Variants in SMOC2 observed in about 807,000 individuals in gnomAD.
SMOC2 encodes the protein SPARC-related modular calcium-binding protein 2.
Under a neutral mutation model 61.4 loss-of-function variants are expected in SMOC2, and 39 were observed. That is an observed-to-expected ratio of 0.64 (90% CI 0.49 to 0.83). SMOC2 has a LOEUF of 0.83. SMOC2 is among the 40% of genes least tolerant of loss of function. SMOC2 has a pLI of 0.00. For synonymous variants in SMOC2, 247 were observed against 239.9 expected, an observed-to-expected ratio of 1.03 and a Z score of -0.27; for missense variants, 556 against 592.9, an observed-to-expected ratio of 0.94 and a Z score of 0.65.
chr6:168,563,515 A>G (rs77488861), intron 7 of SMOC2, among the ~76,000 whole-genome samples: 2,113 of 152,144 alleles, frequency 0.014, 45 homozygotes, highest in African/African-American at 0.048. Flanking sequence ...TCTCCCTGCT[A>G]TGGTCTAAAT....
At chr6:168,479,309 G>A (rs1782157215) in intron 1 of SMOC2, among the ~76,000 whole-genome samples, 1 of 152,242 alleles carries the variant, frequency 6.6e-6, no homozygotes, top group Non-Finnish European at 1.5e-5. Flanking sequence ...CTATGTATAG[G>A]AGATCTTTTG....
chr6:168,453,628 CT>C lies in SMOC2; in HGVS notation c.84+12177del. Among the ~76,000 whole-genome samples, 1 of 151,782 alleles carries C rather than the reference CT, an allele frequency of 6.6e-6. No individual in the cohort carries two copies. The highest frequency in any genetic ancestry group is 6.6e-5 in the Admixed American group (1 of 15,222). On this transcript the variant is annotated intron_variant, in intron 1 of 12. Coordinates refer to ENST00000356284, the MANE Select transcript of SMOC2 (RefSeq NM_001166412.2). This position sits in a 1 kb window ranked among gnomAD's most constrained non-coding sequence, Gnocchi z 4.4. The stretch of plus-strand genomic sequence containing the variant: ...TCTCTGTTTCTTCCTGTCTCTGTCT[CT>C]TTGTCTCTCTCTGTCTCTTTCTCTC...
intron 1 of SMOC2, among the ~76,000 whole-genome samples, chr6:168,487,016 G>A (rs1373943463): frequency 6.6e-6 from 1 of 152,156 alleles, no homozygotes; most frequent in Non-Finnish European, 1.5e-5. Context: ...GTCTGGCCAG[G>A]GAACTGCAGA....
At chr6:168,451,955 C>A (rs1229275432) in intron 1 of SMOC2, among the ~76,000 whole-genome samples, 1 of 152,184 alleles carries the variant, frequency 6.6e-6, no homozygotes, top group Non-Finnish European at 1.5e-5. Context: ...AGGGGAAGCC[C>A]CTGTCCTTTT....
chr6:168,655,277 G>A, intron 11 of SMOC2: 2 of 403,518 alleles, frequency 5.0e-6, no homozygotes, highest in South Asian at 1.8e-5. Context: ...TAAACGTTAG[G>A]CCAGTTCACA....
rs574889883 is a variant in SMOC2 at position 168,534,076 on chromosome 6, C to T, written c.463+6349C>T. Among the ~76,000 whole-genome samples the T allele has an allele frequency of 1.9e-3, 295 of 151,986 alleles. 4 individuals carry two copies. In the South Asian group the frequency reaches 0.028, roughly 14 times the overall value. On this transcript the variant is annotated intron_variant, in intron 4 of 12. Coordinates refer to ENST00000356284, the MANE Select transcript of SMOC2 (RefSeq NM_001166412.2). ...GCCTGTGCAACAAAAGTGAGACCCC[C>T]CACCATCTCTACAAAAAATAAAAAT... is the stretch of plus-strand genomic sequence containing the variant.
chr6:168,547,694 G>A (rs1784039064), intron 6 of SMOC2, among the ~76,000 whole-genome samples: 3 of 151,934 alleles, frequency 2.0e-5, no homozygotes, highest in Non-Finnish European at 4.4e-5. Flanking sequence ...AATTTCACTG[G>A]GTAAATGTGT....
At chr6:168,626,085 G>A (rs1786401630) in intron 9 of SMOC2, among the ~76,000 whole-genome samples, 2 of 152,206 alleles carry the variant, frequency 1.3e-5, no homozygotes, top group Admixed American at 1.3e-4. Flanking sequence ...AATTATTCAA[G>A]TAGCCCCCAC....
At chr6:168,591,736 C>T (rs9455671) in intron 7 of SMOC2, among the ~76,000 whole-genome samples, 92,486 of 150,746 alleles carry the variant, frequency 0.61, 28,767 homozygotes, top group Middle Eastern at 0.7. Context: ...CTATTTGCGT[C>T]TTTTTCAGAT....
At chr6:168,613,362 A>T (rs1298107045) in intron 9 of SMOC2, among the ~76,000 whole-genome samples, 1 of 152,160 alleles carries the variant, frequency 6.6e-6, no homozygotes, top group Non-Finnish European at 1.5e-5. Flanking sequence ...GTGTGAGGAC[A>T]GAGGGGGCGG....
intron 7 of SMOC2, among the ~76,000 whole-genome samples, chr6:168,551,592 T>C (rs181214328): frequency 2.0e-5 from 3 of 152,162 alleles, no homozygotes; most frequent in African/African-American, 7.2e-5. Flanking sequence ...TAGCTGGGAC[T>C]ACAGGCACCC....
intron 9 of SMOC2, among the ~76,000 whole-genome samples, chr6:168,625,828 C>G (rs1786394676): frequency 6.6e-6 from 1 of 152,208 alleles, no homozygotes; most frequent in Non-Finnish European, 1.5e-5. Flanking sequence ...GCCAGGAAGG[C>G]CGGCCTGTGG....
In SMOC2 at chr6:168,649,849, C is replaced by T. The variant is rs907240362; in HGVS notation, c.908-832C>T. 6.6e-5 allele frequency among the ~76,000 whole-genome samples: 10 copies of T among 152,222 alleles called. 1 individual carries two copies. Among genetic ancestry groups the T allele is most frequent in the African/African-American group, 2.2e-4 (9 of 41,458 alleles). On this transcript the variant is annotated intron_variant, in intron 9 of 12. Coordinates refer to ENST00000356284, the MANE Select transcript of SMOC2 (RefSeq NM_001166412.2). Reference sequence around the variant, plus strand: ...CCATGCCACCCTGGGCATAAGGACACGGGATGCTGCCTGTGTCCAGCTACT... The same window carrying T: ...CCATGCCACCCTGGGCATAAGGACATGGGATGCTGCCTGTGTCCAGCTACT...
intron 7 of SMOC2, among the ~76,000 whole-genome samples, chr6:168,583,687 A>G (rs907724849): frequency 6.6e-6 from 1 of 152,018 alleles, no homozygotes; most frequent in African/African-American, 2.4e-5. Flanking sequence ...TTGCTCCCCA[A>G]CCTCCTGCTG....
At chr6:168,563,660 C>T (rs1784475306) in intron 7 of SMOC2, among the ~76,000 whole-genome samples, 1 of 152,050 alleles carries the variant, frequency 6.6e-6, no homozygotes, top group Non-Finnish European at 1.5e-5. Context: ...CCCAGGAGAC[C>T]CTTGCCCCTC....
chr6:168,524,488 T>C (rs1306078964), intron 2 of SMOC2, among the ~76,000 whole-genome samples: 1 of 152,234 alleles, frequency 6.6e-6, no homozygotes, highest in Non-Finnish European at 1.5e-5. Flanking sequence ...ACGCCAAGAA[T>C]GGAGCCCACA....
rs551991570 is a variant in SMOC2 at position 168,567,699 on chromosome 6, G to C, written c.637+18496G>C. ...GAAACCAGAAGCATTTCCGAGACTA[G>C]AGGACTTGATTCGGTCCAGAAACGT... is the stretch of plus-strand genomic sequence containing the variant. On this transcript the variant is annotated intron_variant, in intron 7 of 12. Transcript: ENST00000356284. 8.5e-5 allele frequency among the ~76,000 whole-genome samples: 13 copies of C among 152,342 alleles called. No homozygotes were observed. In the South Asian group the frequency reaches 2.5e-3, roughly 29 times the overall value.
intron 9 of SMOC2, among the ~76,000 whole-genome samples, chr6:168,612,791 T>C (rs1223459563): frequency 6.6e-6 from 1 of 151,672 alleles, no homozygotes; most frequent in Non-Finnish European, 1.5e-5. Context: ...AGAGAGGAGA[T>C]GCAGGCGAAA....
intron 11 of SMOC2, among the ~76,000 whole-genome samples, chr6:168,658,412 T>C (rs1371838892): frequency 7.0e-6 from 1 of 143,220 alleles, no homozygotes; most frequent in Non-Finnish European, 1.6e-5. Context: ...TTCTAACTTT[T>C]AATCTTCTTC....
Sources: allele counts gnomAD v4.1 joint callset (sites outside exome capture counted in the v4.1 genomes callset), GRCh38; gene constraint gnomAD v4.1.1; non-coding constraint Gnocchi (gnomAD v3.1); transcripts MANE v1.5; gene names NCBI Gene and HGNC (gene_info 2026-07-23, HGNC 2026-07-21).